SLC25A21: variants seen among roughly 807,000 people sequenced by gnomAD.
SLC25A21 encodes the protein mitochondrial 2-oxodicarboxylate carrier.
A neutral mutation model predicts 43.8 loss-of-function variants in SLC25A21; 47 were observed. That is an observed-to-expected ratio of 1.07 (90% confidence interval 0.85 to 1.37). SLC25A21 has a LOEUF of 1.37. Among genes scored for constraint, SLC25A21 ranks in the 40% most tolerant of loss-of-function variants. The pLI is 0.00. For missense variants in SLC25A21, 352 were observed against 350.2 expected (o/e 1.00, Z -0.04); for synonymous variants, 131 against 121.3 (o/e 1.08, Z -0.52).
chr14:37,156,309 T>C (rs929053238), intron 1 of SLC25A21, among the ~76,000 whole-genome samples: 1 of 150,888 alleles, frequency 6.6e-6, no homozygotes, highest in Non-Finnish European at 1.5e-5. Context: ...TTCTAAAGAC[T>C]GGGAAAATAA....
At chr14:36,931,942 GA>G (rs1367019626) in intron 1 of SLC25A21, among the ~76,000 whole-genome samples, 2 of 152,182 alleles carry the variant, frequency 1.3e-5, no homozygotes, top group East Asian at 3.9e-4. Flanking sequence ...CAAATCAAGG[GA>G]TATAGTGCTT....
At chr14:37,011,035 T>C (rs1476601624) in intron 1 of SLC25A21, among the ~76,000 whole-genome samples, 3 of 152,132 alleles carry the variant, frequency 2.0e-5, no homozygotes, top group African/African-American at 7.2e-5. Flanking sequence ...TACAGGTGCG[T>C]GCCACCCTGC....
intron 1 of SLC25A21, among the ~76,000 whole-genome samples, chr14:36,955,726 G>T (rs910367784): frequency 7.8e-6 from 1 of 128,806 alleles, no homozygotes; most frequent in African/African-American, 2.7e-5. Context: ...TAGGCCTAAG[G>T]TTGTTTTTTT....
At chr14:36,783,283 G>T (rs1025154459) in intron 3 of SLC25A21, among the ~76,000 whole-genome samples, 1 of 152,060 alleles carries the variant, frequency 6.6e-6, no homozygotes, top group Non-Finnish European at 1.5e-5. Context: ...GGCATGTGGA[G>T]CATTAGGGGC....
At chr14:36,976,796 T>G (rs1380760911) in intron 1 of SLC25A21, among the ~76,000 whole-genome samples, 1 of 152,222 alleles carries the variant, frequency 6.6e-6, no homozygotes, top group Non-Finnish European at 1.5e-5. Context: ...CCTCTTGCTT[T>G]GCGGCCACAA....
chr14:36,680,256 AATTTG>A lies in SLC25A21; in HGVS notation c.*397_*401del. On this transcript the variant is annotated 3_prime_UTR_variant, in exon 10 of 10. Coordinates refer to ENST00000331299, the MANE Select transcript of SLC25A21 (RefSeq NM_030631.4). ...CTTTTTTTTAATCCAGTCTTTGAAT[AATTTG>A]ATTTATTTTCAATAGTTTAAGCATT... The A allele has an allele frequency of 1.1e-6, 1 of 950,330 alleles. No individual in the cohort carries two copies. The highest frequency in any genetic ancestry group is 1.8e-5 in the African/African-American group (1 of 56,240). 58.9% of individuals were successfully genotyped at this position (950,330 alleles called of 1,614,324 possible). A position where few individuals can be genotyped will look rare whatever the true frequency, so the allele number is the denominator to read the frequency against.
chr14:36,787,250 T>A (rs1887284341), intron 3 of SLC25A21, among the ~76,000 whole-genome samples: 1 of 152,156 alleles, frequency 6.6e-6, no homozygotes. Context: ...AAATATACTC[T>A]ACTCAGAATA....
intron 2 of SLC25A21, among the ~76,000 whole-genome samples, chr14:36,848,664 A>C (rs1335304967): frequency 6.6e-6 from 1 of 152,236 alleles, no homozygotes; most frequent in African/African-American, 2.4e-5. Flanking sequence ...TATAAAATAT[A>C]TCTGTGAATG....
chr14:37,170,043 CTT>C (rs71449974), intron 1 of SLC25A21, among the ~76,000 whole-genome samples: 14 of 147,578 alleles, frequency 9.5e-5, no homozygotes, highest in African/African-American at 3.2e-4. Context: ...GTTTGATCTA[CTT>C]TTTTTTTTTG....
chr14:37,017,466 G>A (rs1960882791), intron 1 of SLC25A21, among the ~76,000 whole-genome samples: 2 of 152,016 alleles, frequency 1.3e-5, no homozygotes, highest in African/African-American at 4.8e-5. Context: ...AAAGATTACT[G>A]ATCATAGAAC....
At chr14:37,082,628 C>T (rs1374687838) in intron 1 of SLC25A21, among the ~76,000 whole-genome samples, 3 of 152,052 alleles carry the variant, frequency 2.0e-5, no homozygotes, top group African/African-American at 7.2e-5. Context: ...TAGCCCATAG[C>T]AAATATTCAA....
intron 2 of SLC25A21, among the ~76,000 whole-genome samples, chr14:36,874,712 A>C (rs1346924683): frequency 6.6e-6 from 1 of 152,230 alleles, no homozygotes; most frequent in Non-Finnish European, 1.5e-5. Context: ...ATAGCTACAA[A>C]TCATATCTTA....
intron 1 of SLC25A21, among the ~76,000 whole-genome samples, chr14:37,052,508 T>C (rs1474191947): frequency 3.3e-5 from 5 of 152,266 alleles, no homozygotes; most frequent in Non-Finnish European, 7.3e-5. Context: ...AGTGTTTTTA[T>C]TTTTGCATGC....
intron 1 of SLC25A21, among the ~76,000 whole-genome samples, chr14:36,936,250 G>A (rs1229544885): frequency 6.6e-6 from 1 of 152,158 alleles, no homozygotes; most frequent in Non-Finnish European, 1.5e-5. Flanking sequence ...CTTCCTGACA[G>A]TAAGGAATGG....
In SLC25A21 at chr14:36,766,864, G is replaced by A. The variant is rs528275163; in HGVS notation, c.204-32291C>T. Among the ~76,000 whole-genome samples the A allele has an allele frequency of 2.0e-4, 30 of 152,272 alleles. No individual in the cohort carries two copies. In the South Asian group the frequency reaches 5.8e-3, roughly 29 times the overall value. On this transcript the variant is annotated intron_variant, in intron 3 of 9. Coordinates refer to ENST00000331299, the MANE Select transcript of SLC25A21 (RefSeq NM_030631.4). The stretch of plus-strand genomic sequence containing the variant: ...AGGAGGACGTTAGGATTGGCATGAG[G>A]ATTACATGAGATAATGCGCATAATG...
chr14:36,799,815 C>T (rs1340561234), intron 3 of SLC25A21, among the ~76,000 whole-genome samples: 1 of 152,052 alleles, frequency 6.6e-6, no homozygotes, highest in Non-Finnish European at 1.5e-5. Context: ...TAAATGAGAG[C>T]ACTTAGCAAA....
chr14:36,679,258 G>T lies in SLC25A21; in HGVS notation c.*1400C>A. ...CTGAAATATAAATTTTAAAAAACAC[G>T]TTGGAAAGGATGTACAACAGAAGGC... On this transcript the variant is annotated 3_prime_UTR_variant, in exon 10 of 10. Coordinates refer to ENST00000331299, the MANE Select transcript of SLC25A21 (RefSeq NM_030631.4). 2.0e-6 allele frequency: 2 copies of T among 983,294 alleles called. No homozygotes were observed. The highest frequency in any genetic ancestry group is 2.4e-6 in the Non-Finnish European group (2 of 828,092). 60.9% of individuals were successfully genotyped at this position (983,294 alleles called of 1,614,324 possible).
chr14:36,743,465 G>A (rs924343433), intron 3 of SLC25A21, among the ~76,000 whole-genome samples: 2 of 151,968 alleles, frequency 1.3e-5, no homozygotes, highest in African/African-American at 4.8e-5. Flanking sequence ...TCTTGGACTC[G>A]GACTGAAAAC....
At chr14:37,111,977 C>G (rs1003554300) in intron 1 of SLC25A21, among the ~76,000 whole-genome samples, 3 of 152,120 alleles carry the variant, frequency 2.0e-5, no homozygotes, top group African/African-American at 7.2e-5. Context: ...AATTGTTTTG[C>G]ACCAATAATG....
Sources: gnomAD v4.1 joint callset for allele counts (sites outside exome capture counted in the v4.1 genomes callset) on GRCh38, gnomAD v4.1.1 for gene constraint, MANE v1.5 for transcripts, NCBI Gene and HGNC (gene_info 2026-07-23, HGNC 2026-07-21) for gene names.